Variants in RP1 observed in about 807,000 individuals in gnomAD.
RP1 encodes the protein oxygen-regulated protein 1.
RP1 carries 16 observed loss-of-function variants against 14.8 expected under a neutral mutation model. The observed-to-expected ratio is 1.08, with a 90% CI of 0.73 to 1.65. RP1 has a LOEUF of 1.65. Among genes scored for constraint, RP1 ranks in the 40% most tolerant of loss-of-function variants. RP1 has a pLI of 0.00. For missense variants in RP1, 2,631 were observed against 2,535.0 expected, an observed-to-expected ratio of 1.04 and a Z score of -0.81; for synonymous variants, 876 against 883.6, an observed-to-expected ratio of 0.99 and a Z score of 0.15.
At chr8:54,607,223 G>T (rs894822037) in intron 1 of RP1, among the ~76,000 whole-genome samples, 4 of 152,220 alleles carry the variant, frequency 2.6e-5, no homozygotes, top group Middle Eastern at 3.4e-3. Flanking sequence ...TGGGGTTTTG[G>T]TGTGGATGTC....
chr8:54,677,683 C>A (rs1385729619), intron 8 of RP1, among the ~76,000 whole-genome samples: 7 of 152,110 alleles, frequency 4.6e-5, no homozygotes. Flanking sequence ...ACTGTGATTG[C>A]ACTACTGTAC....
intron 18 of RP1, chr8:54,738,838 A>C (rs1259525275): frequency 8.2e-6 from 5 of 610,854 alleles, no homozygotes; most frequent in African/African-American, 1.9e-5. Flanking sequence ...AGAGCTTTTT[A>C]ACTATTAGGA....
At chr8:54,789,687 G>A (rs1810413457) in intron 24 of RP1, among the ~76,000 whole-genome samples, 1 of 152,172 alleles carries the variant, frequency 6.6e-6, no homozygotes, top group Non-Finnish European at 1.5e-5. Flanking sequence ...TGATGGAACA[G>A]GGAGTCCAGA....
At chr8:54,704,537 A>G (rs189885870) in intron 14 of RP1, among the ~76,000 whole-genome samples, 30 of 152,338 alleles carry the variant, frequency 2.0e-4, no homozygotes, top group Admixed American at 7.8e-4. Context: ...AATTACCAAA[A>G]TGTGGCACAG....
At chr8:54,686,075 T>C (rs1007878540) in intron 12 of RP1, among the ~76,000 whole-genome samples, 2 of 152,238 alleles carry the variant, frequency 1.3e-5, no homozygotes, top group Admixed American at 1.3e-4. Flanking sequence ...TCTAGCATCT[T>C]AATATGCTAG....
chr8:54,612,152 G>A (rs1585550414), upstream of RP1, among the ~76,000 whole-genome samples: 1 of 152,164 alleles, frequency 6.6e-6, no homozygotes, highest in Non-Finnish European at 1.5e-5. Context: ...AACGTCCCAG[G>A]TATTATATCT....
At chr8:54,576,127 G>A (rs1804635625) in intron 1 of RP1, among the ~76,000 whole-genome samples, 1 of 149,034 alleles carries the variant, frequency 6.7e-6, no homozygotes, top group African/African-American at 2.5e-5. Context: ...TGCAAGCTCC[G>A]CCTCCCAGGT....
Position 54,626,326 on chromosome 8 carries a change from A to G in RP1, c.2444A>G (p.Glu815Gly), listed in dbSNP as rs1187864493. The change falls in exon 4 of 4, where the codon GAA (glutamate) becomes GGA (glycine). Residue 815 changes from glutamate to glycine, a missense_variant. Transcript: ENST00000220676. ...NESKYCKSTFENKSLFHVFNI... is the reference protein window; with the variant it reads ...NESKYCKSTFGNKSLFHVFNI... ...TCTAAATATTGCAAAAGTACTTTTG[A>G]AAACAAAAGTTTATTTCATGTATTT... 2 of 1,613,406 alleles carry G rather than the reference A, an allele frequency of 1.2e-6. No individual in the cohort carries two copies. The highest frequency in any genetic ancestry group is 2.2e-5 in the South Asian group (2 of 91,050).
chr8:54,769,729 C>T, intron 22 of RP1: 3 of 1,490,082 alleles, frequency 2.0e-6, no homozygotes, highest in South Asian at 1.2e-5. Context: ...CTCTCTCTCT[C>T]TTTTTCCTCA....
intron 26 of RP1, among the ~76,000 whole-genome samples, chr8:54,854,456 A>C (rs995586068): frequency 6.6e-6 from 1 of 152,260 alleles, no homozygotes; most frequent in African/African-American, 2.4e-5. Flanking sequence ...CAAATCCCCA[A>C]ATCAGTTTTA....
At chr8:54,773,232 AT>A (rs1440192410), downstream of RP1, among the ~76,000 whole-genome samples, 1 of 152,174 alleles carries the variant, frequency 6.6e-6, no homozygotes, top group African/African-American at 2.4e-5. Context: ...TATTATTAAT[AT>A]GCAGTGGATA....
chr8:54,610,611 T>C (rs1320608304), intron 1 of RP1, among the ~76,000 whole-genome samples: 1 of 152,212 alleles, frequency 6.6e-6, no homozygotes, highest in Non-Finnish European at 1.5e-5. Flanking sequence ...CTGGTACTTC[T>C]GAGGTCCTCT....
In RP1 at chr8:54,629,449, G is replaced by C; in HGVS notation, c.5567G>C (p.Gly1856Ala). ...RIANHHTEEK[G>A]SHQSERVCTS... Reference sequence around the variant, plus strand: ...GCAAATCATCATACAGAGGAGAAGGGTAGTCATCAGTCAGAAAGAGTATGC... The same window carrying C: ...GCAAATCATCATACAGAGGAGAAGGCTAGTCATCAGTCAGAAAGAGTATGC... The change falls in exon 4 of 4, where the codon GGT (glycine) becomes GCT (alanine). Residue 1856 changes from glycine to alanine, a missense_variant. Physicochemically the swap from Gly to Ala is moderately conservative, Grantham distance 60 (BLOSUM62 0). Coordinates refer to ENST00000220676, the MANE Select transcript of RP1 (RefSeq NM_006269.2). The C allele has an allele frequency of 1.9e-6, 3 of 1,614,162 alleles. No individual in the cohort carries two copies. In the East Asian group the frequency reaches 6.7e-5, roughly 36 times the overall value.
chr8:54,779,053 C>T (rs1810116826), intron 23 of RP1, among the ~76,000 whole-genome samples: 1 of 152,152 alleles, frequency 6.6e-6, no homozygotes, highest in African/African-American at 2.4e-5. Flanking sequence ...CCCAAGTCAC[C>T]TGCAGTTCTC....
chr8:54,583,317 T>C lies in RP1; in HGVS notation c.-13+23997T>C, dbSNP rs980511221. ...TGGATTACGTTTATTGATTTGTGTATGTTGAACCACCCTTGCATCCCAGGG... is the reference window on the plus strand; with the variant it reads ...TGGATTACGTTTATTGATTTGTGTACGTTGAACCACCCTTGCATCCCAGGG... On this transcript the variant is annotated intron_variant, in intron 1 of 22. Coordinates refer to the RP1 transcript ENST00000636932. Among the ~76,000 whole-genome samples the C allele has an allele frequency of 1.2e-4, 18 of 152,220 alleles. 2 individuals carry two copies. Among genetic ancestry groups the C allele is most frequent in the Admixed American group, 9.8e-4 (15 of 15,278 alleles).
chr8:54,624,751 T>G lies in RP1; in HGVS notation c.869T>G (p.Leu290Ter). 6.2e-7 allele frequency: 1 copy of G among 1,613,966 alleles called. No individual in the cohort carries two copies. Residue 290 changes from leucine (L) to a stop codon, truncating the protein, a stop_gained, in exon 4 of 4, where the codon TTA becomes TGA. Coordinates refer to ENST00000220676, the MANE Select transcript of RP1 (RefSeq NM_006269.2). LOFTEE classifies it low-confidence loss of function (END_TRUNC). ...AAAACACATAATAATGATTGCTACTTAGACTATTCTTTTGTTCCTGAAAAG... is the reference window on the plus strand; with the variant it reads ...AAAACACATAATAATGATTGCTACTGAGACTATTCTTTTGTTCCTGAAAAG... ...SEKTHNNDCY[L>*]DYSFVPEKYL...
At chr8:54,663,260 T>C (rs977356619) in intron 6 of RP1, among the ~76,000 whole-genome samples, 2 of 152,078 alleles carry the variant, frequency 1.3e-5, no homozygotes, top group Non-Finnish European at 2.9e-5. Flanking sequence ...TACTGAATAA[T>C]GGCCTCAAAG....
At chr8:54,700,267 G>T (rs889759569) in intron 13 of RP1, among the ~76,000 whole-genome samples, 3 of 151,116 alleles carry the variant, frequency 2.0e-5, no homozygotes, top group African/African-American at 7.3e-5. Context: ...GAGGGCAGTT[G>T]GCATGATCAG....
At chr8:54,853,270 C>T (rs1285710746) in intron 26 of RP1, among the ~76,000 whole-genome samples, 1 of 152,142 alleles carries the variant, frequency 6.6e-6, no homozygotes. Context: ...AGTGTGAGTC[C>T]TCTTGAAGCA....
Sources: gnomAD v4.1 joint callset for allele counts (sites outside exome capture counted in the v4.1 genomes callset) on GRCh38, gnomAD v4.1.1 for gene constraint, MANE v1.5 for transcripts, NCBI Gene and HGNC (gene_info 2026-07-23, HGNC 2026-07-21) for gene names.